PDE1C: variants seen among roughly 807,000 people sequenced by gnomAD.
The protein encoded by PDE1C is phosphodiesterase 1C.
In PDE1C, 62 loss-of-function variants were observed where a neutral mutation model predicts 93.1. That is an observed-to-expected ratio of 0.67 (90% CI 0.54 to 0.82). The LOEUF (loss-of-function observed/expected upper bound fraction) is 0.82, where lower values mean the gene tolerates loss of function less well. Ranked by LOEUF, PDE1C falls within the 40% of genes least tolerant of loss-of-function variation. PDE1C has a pLI of 0.00. For missense variants in PDE1C, 742 were observed against 884.6 expected, an observed-to-expected ratio of 0.84 and a Z score of 2.04; for synonymous variants, 325 against 310.1, an observed-to-expected ratio of 1.05 and a Z score of -0.50.
At chr7:32,408,801 A>C (rs1785109430) in intron 1 of PDE1C, among the ~76,000 whole-genome samples, 1 of 152,194 alleles carries the variant, frequency 6.6e-6, no homozygotes, top group Non-Finnish European at 1.5e-5. Flanking sequence ...AAAAATAAAA[A>C]ATAAATTTTA....
the PDE1C span, among the ~76,000 whole-genome samples, chr7:31,745,914 G>A: frequency 2.0e-5 from 3 of 152,154 alleles, no homozygotes; most frequent in Non-Finnish European, 4.4e-5. Context: ...TTTATGCTGA[G>A]TATGGTGGGC....
Position 31,828,297 on chromosome 7 carries a change from T to C in PDE1C, c.1280A>G (p.Gln427Arg), listed in dbSNP as rs1338458342. 47 of 1,612,170 alleles carry C rather than the reference T, an allele frequency of 2.9e-5. No individual in the cohort carries two copies. The highest frequency in any genetic ancestry group is 4.0e-5 in the Non-Finnish European group (47 of 1,178,630). ...DRKSTMVAQS[Q>R]VGFIDFIVEP... is the part of the protein sequence containing the mutation. ...AAAGAGCTGCAAACACGTACCTACTTGTGACTGAGCAACCATAGTGGACTT... is the reference window on the plus strand; with the variant it reads ...AAAGAGCTGCAAACACGTACCTACTCGTGACTGAGCAACCATAGTGGACTT... The change falls in exon 12 of 18, where the codon CAA becomes CGA. Residue 427 changes from glutamine to arginine, a missense_variant. Gln to Arg is a conservative substitution (Grantham distance 43). This residue lies in a region of PDE1C where 454 missense variants were observed against 459.4 expected (regional missense o/e 0.99). Transcript: ENST00000396191.
chr7:31,712,645 T>C, the PDE1C span, among the ~76,000 whole-genome samples: 9 of 152,076 alleles, frequency 5.9e-5, no homozygotes, highest in African/African-American at 2.2e-4. Flanking sequence ...TGGCCAGCTG[T>C]GTTAGTCCCT....
chr7:32,196,138 C>T (rs1804596767), intron 2 of PDE1C, among the ~76,000 whole-genome samples: 1 of 152,140 alleles, frequency 6.6e-6, no homozygotes, highest in Admixed American at 6.5e-5. Context: ...GATGAAAGGG[C>T]CAGCTCTCTG....
intron 1 of PDE1C, among the ~76,000 whole-genome samples, chr7:32,055,349 T>G (rs910973592): frequency 2.6e-5 from 4 of 152,118 alleles, no homozygotes; most frequent in South Asian, 2.1e-4. Context: ...TTACACAAGT[T>G]AACTCACTTA....
At chr7:31,733,080 G>C in the PDE1C span, among the ~76,000 whole-genome samples, 1 of 152,168 alleles carries the variant, frequency 6.6e-6, no homozygotes, top group Non-Finnish European at 1.5e-5. Context: ...CCTGGATCAG[G>C]GTTAAAGGTT....
upstream of PDE1C, among the ~76,000 whole-genome samples, chr7:32,300,834 G>C (rs953877538): frequency 6.6e-6 from 1 of 151,834 alleles, no homozygotes; most frequent in Admixed American, 6.6e-5. Flanking sequence ...ATGTGGGCTT[G>C]GTTTTTTGTT....
chr7:32,205,616 C>G (rs1805387294), intron 2 of PDE1C, among the ~76,000 whole-genome samples: 3 of 152,162 alleles, frequency 2.0e-5, no homozygotes, highest in African/African-American at 7.2e-5. Context: ...CCCAGCCAAC[C>G]CGTTTGGGTC....
At chr7:32,389,651 G>T (rs1413771851) in intron 1 of PDE1C, among the ~76,000 whole-genome samples, 1 of 152,228 alleles carries the variant, frequency 6.6e-6, no homozygotes, top group African/African-American at 2.4e-5. Context: ...GCTTCATGTG[G>T]CATAAATTGT....
chr7:32,287,996 G>T (rs992360545), intron 1 of PDE1C, among the ~76,000 whole-genome samples: 3 of 152,018 alleles, frequency 2.0e-5, no homozygotes, highest in African/African-American at 2.4e-5. Flanking sequence ...TGAGGTCAGG[G>T]GTTCGAGACC....
chr7:32,086,711 A>G (rs1190616778), intron 3 of PDE1C, among the ~76,000 whole-genome samples: 7 of 152,222 alleles, frequency 4.6e-5, no homozygotes, highest in Non-Finnish European at 8.8e-5. Flanking sequence ...CATATCTACA[A>G]CTATCTGATC....
chr7:32,009,619 C>A (rs79542424), intron 2 of PDE1C, among the ~76,000 whole-genome samples: 1,631 of 152,296 alleles, frequency 0.011, 29 homozygotes, highest in African/African-American at 0.036. Flanking sequence ...CTTATAAGAT[C>A]AGCAATGAGA....
At chr7:32,135,846 C>G (rs1800174326) in intron 3 of PDE1C, among the ~76,000 whole-genome samples, 1 of 152,164 alleles carries the variant, frequency 6.6e-6, no homozygotes, top group Non-Finnish European at 1.5e-5. Context: ...TTCTTCACTA[C>G]AGCCAAGATA....
At chr7:32,070,805 G>T, upstream of PDE1C, 1 of 992,766 alleles carries the variant, frequency 1.0e-6, no homozygotes, top group Non-Finnish European at 1.2e-6. Flanking sequence ...AGGGCTGGGT[G>T]GGGAGGAGAG....
intron 7 of PDE1C, among the ~76,000 whole-genome samples, chr7:31,860,266 G>C (rs997851523): frequency 6.6e-6 from 1 of 152,134 alleles, no homozygotes; most frequent in Non-Finnish European, 1.5e-5. Context: ...CTGGAGTGGG[G>C]AGTAGTGCTA....
chr7:31,680,021 C>G, the PDE1C span, among the ~76,000 whole-genome samples: 1 of 152,176 alleles, frequency 6.6e-6, no homozygotes, highest in Non-Finnish European at 1.5e-5. Flanking sequence ...AACCAGCAAC[C>G]AGAGAGTGTC....
chr7:31,947,371 C>T (rs546871281), intron 2 of PDE1C, among the ~76,000 whole-genome samples: 6 of 152,310 alleles, frequency 3.9e-5, no homozygotes, highest in African/African-American at 1.4e-4. Context: ...TCTGGGTACT[C>T]TAGCCTAGAC....
At chr7:32,252,460 T>TG (rs2128876120) in intron 1 of PDE1C, among the ~76,000 whole-genome samples, 2 of 152,254 alleles carry the variant, frequency 1.3e-5, no homozygotes, top group Admixed American at 6.5e-5. Context: ...CTGTCTAGTC[T>TG]GGGGGGAAAG....
At position 31,914,269 on chromosome 7, in the gene PDE1C, T is replaced by C. The variant is rs538307257; in HGVS notation, c.129-33409A>G. On this transcript the variant is annotated intron_variant, in intron 2 of 17. Coordinates refer to ENST00000396191, the MANE Select transcript of PDE1C (RefSeq NM_001191057.4). Reference sequence around the variant, plus strand: ...TTTACTTTAGAGAAGGTAAAGATTATCATGGGAAAACTCTATCACATCAAG... The same window carrying C: ...TTTACTTTAGAGAAGGTAAAGATTACCATGGGAAAACTCTATCACATCAAG... 1.1e-4 allele frequency among the ~76,000 whole-genome samples: 17 copies of C among 152,308 alleles called. No homozygotes were observed. In the South Asian group the frequency reaches 3.5e-3, roughly 32 times the overall value.
Sources: gnomAD v4.1 joint callset for allele counts (sites outside exome capture counted in the v4.1 genomes callset) on GRCh38, gnomAD v4.1.1 for gene constraint, gnomAD v4.1.1 regional missense constraint, MANE v1.5 for transcripts, NCBI Gene and HGNC (gene_info 2026-07-23, HGNC 2026-07-21) for gene names.